SRGAP3: variants seen among roughly 807,000 people sequenced by gnomAD.
The protein encoded by SRGAP3 is SLIT-ROBO Rho GTPase-activating protein 3.
Under a neutral mutation model 121.1 loss-of-function variants are expected in SRGAP3, and 39 were observed. That is an observed-to-expected ratio of 0.32 (90% CI 0.25 to 0.42). The LOEUF (loss-of-function observed/expected upper bound fraction) is 0.42, where lower values mean the gene tolerates loss of function less well. SRGAP3 is among the 10% of genes least tolerant of loss of function. The probability of loss-of-function intolerance (pLI) is 1.00; values close to 1 mark genes in which losing one functional copy is unlikely to be tolerated. For missense variants in SRGAP3, 1,213 were observed against 1,470.6 expected (o/e 0.82, Z 2.86); for synonymous variants, 601 against 570.0 (o/e 1.05, Z -0.77).
At chr3:9,306,029 A>T (rs1463593403) in intron 3 of SRGAP3, among the ~76,000 whole-genome samples, 1 of 152,090 alleles carries the variant, frequency 6.6e-6, no homozygotes, top group Non-Finnish European at 1.5e-5. Flanking sequence ...CCCACCAACA[A>T]TGTAAAAGTG....
intron 16 of SRGAP3, 31 bp from the exon 17 acceptor site, chr3:9,013,566 T>C (rs1943477814): frequency 6.2e-7 from 1 of 1,611,124 alleles, no homozygotes; most frequent in Non-Finnish European, 8.5e-7. Flanking sequence ...ACAAGTCATC[T>C]GGGAAAGGCA....
chr3:9,115,191 C>A (rs1450308942), intron 2 of SRGAP3, among the ~76,000 whole-genome samples: 1 of 152,108 alleles, frequency 6.6e-6, no homozygotes, highest in Non-Finnish European at 1.5e-5. Context: ...GATGACAACA[C>A]CTTCCTTGAC....
intron 4 of SRGAP3, among the ~76,000 whole-genome samples, chr3:9,066,409 C>T (rs1029438897): frequency 6.6e-6 from 1 of 152,246 alleles, no homozygotes. Context: ...AGTCAGAGAA[C>T]TCAGAATGAA....
intron 14 of SRGAP3, among the ~76,000 whole-genome samples, chr3:9,023,149 C>G (rs1944009996): frequency 6.6e-6 from 1 of 152,152 alleles, no homozygotes; most frequent in Non-Finnish European, 1.5e-5. Context: ...AGGCACCATG[C>G]AGTGAGTTTG....
intron 3 of SRGAP3, among the ~76,000 whole-genome samples, chr3:9,303,765 T>A (rs1043419168): frequency 1.8e-4 from 28 of 152,344 alleles, no homozygotes; most frequent in African/African-American, 6.7e-4. Flanking sequence ...GAAGGCGATT[T>A]ACACTTGATA....
At chr3:9,169,876 G>A (rs1428879022) in intron 1 of SRGAP3, among the ~76,000 whole-genome samples, 1 of 152,106 alleles carries the variant, frequency 6.6e-6, no homozygotes, top group Non-Finnish European at 1.5e-5. Context: ...GGGTTCCTGG[G>A]TTCCTGCCCC....
intron 1 of SRGAP3, among the ~76,000 whole-genome samples, chr3:9,222,438 T>A (rs2016998): frequency 9.2e-5 from 14 of 152,020 alleles, no homozygotes; most frequent in African/African-American, 2.7e-4. Flanking sequence ...CAAGACACCC[T>A]GCATCTTTAT....
chr3:9,175,015 G>A (rs1246207272), intron 1 of SRGAP3, among the ~76,000 whole-genome samples: 2 of 152,092 alleles, frequency 1.3e-5, no homozygotes, highest in African/African-American at 4.8e-5. Context: ...GTGCATGCAG[G>A]CACTGCTGGG....
intron 4 of SRGAP3, among the ~76,000 whole-genome samples, chr3:9,067,395 C>T (rs748590467): frequency 3.9e-5 from 6 of 151,950 alleles, no homozygotes; most frequent in African/African-American, 1.5e-4. Flanking sequence ...CTCTGCGTTC[C>T]GTCCATTTTT....
intron 18 of SRGAP3, among the ~76,000 whole-genome samples, chr3:9,000,551 A>G (rs892188702): frequency 6.6e-6 from 1 of 152,238 alleles, no homozygotes; most frequent in Non-Finnish European, 1.5e-5. Context: ...AGCTTGGAGA[A>G]GTTCAAGTCG....
At chr3:9,041,165 G>A (rs1944994819) in intron 10 of SRGAP3, among the ~76,000 whole-genome samples, 1 of 152,224 alleles carries the variant, frequency 6.6e-6, no homozygotes, top group Non-Finnish European at 1.5e-5. Flanking sequence ...ATGAGCAAAT[G>A]GACTTGGAGA....
chr3:9,064,272 T>A, intron 5 of SRGAP3, 124 bp downstream of exon 5: 1 of 1,336,530 alleles, frequency 7.5e-7, no homozygotes, highest in South Asian at 1.3e-5. Flanking sequence ...CCATCCCCCC[T>A]ACCCACCACC....
intron 1 of SRGAP3, among the ~76,000 whole-genome samples, chr3:9,205,394 A>T (rs984699465): frequency 3.9e-5 from 6 of 152,248 alleles, no homozygotes; most frequent in Non-Finnish European, 7.3e-5. Context: ...CACGGGACTA[A>T]CCACATTTCA....
intron 9 of SRGAP3, among the ~76,000 whole-genome samples, chr3:9,052,029 G>A (rs1251140040): frequency 6.6e-6 from 1 of 152,176 alleles, no homozygotes; most frequent in Non-Finnish European, 1.5e-5. Context: ...GCTCAGTTCT[G>A]TGTTGGGCAT....
At chr3:9,273,075 G>A (rs1429437398) in intron 3 of SRGAP3, among the ~76,000 whole-genome samples, 8 of 152,142 alleles carry the variant, frequency 5.3e-5, no homozygotes, top group Admixed American at 4.6e-4. Flanking sequence ...GCAAGGAGAT[G>A]GTTTTGGGAT....
intron 4 of SRGAP3, among the ~76,000 whole-genome samples, chr3:9,072,590 G>A (rs1430910421): frequency 6.6e-6 from 1 of 152,242 alleles, no homozygotes; most frequent in Non-Finnish European, 1.5e-5. Context: ...CCCTAAGTCT[G>A]AGCCAGGACC....
intron 2 of SRGAP3, among the ~76,000 whole-genome samples, chr3:9,114,372 G>T (rs527926513): frequency 6.6e-6 from 1 of 152,204 alleles, no homozygotes; most frequent in Admixed American, 6.5e-5. Flanking sequence ...AAGATCTAAG[G>T]CCTGATGTAC....
chr3:9,300,171 T>TACCAA (rs1391154790), intron 3 of SRGAP3, among the ~76,000 whole-genome samples: 1 of 121,522 alleles, frequency 8.2e-6, no homozygotes, highest in African/African-American at 3.2e-5. Context: ...ATCATCATCT[T>TACCAA]CATCATCACC....
At chr3:9,173,523 G>C (rs927955717) in intron 1 of SRGAP3, among the ~76,000 whole-genome samples, 2 of 152,212 alleles carry the variant, frequency 1.3e-5, no homozygotes, top group African/African-American at 4.8e-5. Flanking sequence ...ACTAGAATAA[G>C]AGCAGAGAGG....
Sources: allele counts gnomAD v4.1 joint callset (sites outside exome capture counted in the v4.1 genomes callset), GRCh38; gene constraint gnomAD v4.1.1; transcripts MANE v1.5; gene names NCBI Gene and HGNC (gene_info 2026-07-23, HGNC 2026-07-21).